PFKFB3: variants seen among roughly 807,000 people sequenced by gnomAD.
The protein encoded by PFKFB3 is 6-phosphofructo-2-kinase/fructose-2,6-bisphosphatase 3.
In PFKFB3, 33 loss-of-function variants were observed where a neutral mutation model predicts 68.0. The observed-to-expected ratio is 0.49, with a 90% CI of 0.37 to 0.65. PFKFB3 has a LOEUF of 0.65. PFKFB3 is among the 30% of genes least tolerant of loss of function. The pLI is 0.00. For missense variants in PFKFB3, 586 were observed against 712.2 expected (o/e 0.82, Z 2.02); for synonymous variants, 315 against 288.2 (o/e 1.09, Z -0.94).
At chr10:6,295,716 C>G in the PFKFB3 span, among the ~76,000 whole-genome samples, 1 of 152,184 alleles carries the variant, frequency 6.6e-6, no homozygotes, top group Non-Finnish European at 1.5e-5. Flanking sequence ...AGGTTAGACT[C>G]TGGCAAAGTA....
chr10:6,236,753 C>T (rs1846021570), downstream of PFKFB3, among the ~76,000 whole-genome samples: 1 of 152,202 alleles, frequency 6.6e-6, no homozygotes, highest in African/African-American at 2.4e-5. Context: ...AAAGACTGCT[C>T]CCAAAGAGGA....
the PFKFB3 span, among the ~76,000 whole-genome samples, chr10:6,291,270 G>A: frequency 6.6e-6 from 1 of 152,138 alleles, no homozygotes; most frequent in African/African-American, 2.4e-5. Context: ...GGAGTCAAAA[G>A]TTTATCTTGT....
At chr10:6,294,021 A>G in the PFKFB3 span, 1 of 526,412 alleles carries the variant, frequency 1.9e-6, no homozygotes. Context: ...ACAAATTCCA[A>G]CATCATTACC....
At chr10:6,259,352 A>T (rs1846519194), downstream of PFKFB3, among the ~76,000 whole-genome samples, 1 of 147,536 alleles carries the variant, frequency 6.8e-6, no homozygotes, top group East Asian at 2.1e-4. Context: ...CCATCTACCC[A>T]TCCACCCATC....
At chr10:6,316,396 A>G in the PFKFB3 span, among the ~76,000 whole-genome samples, 1 of 152,256 alleles carries the variant, frequency 6.6e-6, no homozygotes, top group African/African-American at 2.4e-5. Context: ...CAATGGCACA[A>G]GAGCCTTTCT....
chr10:6,254,035 C>A (rs1467216545), intron 14 of PFKFB3: 8 of 386,948 alleles, frequency 2.1e-5, no homozygotes, highest in Non-Finnish European at 3.6e-5. Context: ...CAGTGAGACT[C>A]CGTCTCAAAA....
At chr10:6,206,859 A>G (rs868768031) in intron 1 of PFKFB3, among the ~76,000 whole-genome samples, 18 of 17,000 alleles carry the variant, frequency 1.1e-3, no homozygotes, top group East Asian at 2.7e-3. Flanking sequence ...CCGGGCAGAG[A>G]CGCTCCTCAC....
Position 6,228,346 on chromosome 10 carries a change from G to A in PFKFB3, c.1515+1981G>A. ...GATGTGAGGTCTTCCGTGGGGGAAG[G>A]AGGAGATGGGCGTAGGAGTAGGGAG... On this transcript the variant is annotated intron_variant, in intron 14 of 14. Transcript: ENST00000379775. This position sits in a 1 kb window ranked among gnomAD's most constrained non-coding sequence, Gnocchi z 4.5. 1 of 997,692 alleles carries A rather than the reference G, an allele frequency of 1.0e-6. No homozygotes were observed. The highest frequency in any genetic ancestry group is 2.4e-5 in the East Asian group (1 of 41,648). The allele number at this position is 997,692 out of a possible 1,614,324, so 61.8% of individuals were successfully genotyped here.
In PFKFB3 at chr10:6,215,446, CG is replaced by C; in HGVS notation, c.299+133del. The C allele has an allele frequency of 1.4e-6, 1 of 702,944 alleles. No individual in the cohort carries two copies. Among genetic ancestry groups the C allele is most frequent in the African/African-American group, 1.8e-5 (1 of 54,460 alleles). 43.5% of individuals were successfully genotyped at this position (702,944 alleles called of 1,614,324 possible). ...GGGCTGTGGGAATAAGGCTGGGCTG[CG>C]GGGCTGCGGGTGTAAGGCTGGGCTG... On this transcript the variant is annotated intron_variant, in intron 3 of 14. Coordinates refer to ENST00000379775, the MANE Select transcript of PFKFB3 (RefSeq NM_004566.4). The surrounding 1 kb of genome is among the most constrained non-coding windows in gnomAD (Gnocchi z 4.3).
In PFKFB3 at chr10:6,233,488, T is replaced by TCAGC. The variant is rs1845867145; in HGVS notation, c.*546_*547insCAGC. 1 of 152,648 alleles carries TCAGC rather than the reference T, an allele frequency of 6.6e-6. No homozygotes were observed. The highest frequency in any genetic ancestry group is 1.9e-4 in the East Asian group (1 of 5,332). 9.5% of individuals were successfully genotyped at this position (152,648 alleles called of 1,614,324 possible). A position where few individuals can be genotyped will look rare whatever the true frequency, so the allele number is the denominator to read the frequency against. On this transcript the variant is annotated 3_prime_UTR_variant, in exon 15 of 15. Coordinates refer to ENST00000379775, the MANE Select transcript of PFKFB3 (RefSeq NM_004566.4). The stretch of plus-strand genomic sequence containing the variant: ...TGGACAGGTGTTGGGTTGAGGCCTC[T>TCAGC]TCTGCAGGAAGTCCCTGAGCTGAGA...
the PFKFB3 span, among the ~76,000 whole-genome samples, chr10:6,311,704 GCA>G: frequency 6.6e-6 from 1 of 152,000 alleles, no homozygotes; most frequent in Admixed American, 6.5e-5. Flanking sequence ...AGCCAAGATT[GCA>G]CCACTGCACG....
chr10:6,170,644 G>A (rs1842279087), intron 1 of PFKFB3, among the ~76,000 whole-genome samples: 1 of 152,160 alleles, frequency 6.6e-6, no homozygotes, highest in Non-Finnish European at 1.5e-5. Context: ...AAAAGTAGAG[G>A]GAGCAAAAGT....
rs1845617892 is a variant in PFKFB3 at position 6,229,862 on chromosome 10, G to C, written c.1516-3033G>C. On this transcript the variant is annotated intron_variant, in intron 14 of 14. Transcript: ENST00000379775. The surrounding 1 kb of genome is among the most constrained non-coding windows in gnomAD (Gnocchi z 4.3). The stretch of plus-strand genomic sequence containing the variant: ...TTCTGCCTCAGATCGTCTGGCATTA[G>C]ATTCTCTGAAGGGAACGCACAGCCT... 6.6e-6 allele frequency among the ~76,000 whole-genome samples: 1 copy of C among 152,190 alleles called. No homozygotes were observed. The highest frequency in any genetic ancestry group is 6.5e-5 in the Admixed American group (1 of 15,278).
At chr10:6,264,826 T>C in the PFKFB3 span, among the ~76,000 whole-genome samples, 6 of 152,174 alleles carry the variant, frequency 3.9e-5, no homozygotes, top group African/African-American at 1.4e-4. Context: ...TACTCCTTTA[T>C]ATTTCAGTGT....
chr10:6,286,815 C>CT, the PFKFB3 span, among the ~76,000 whole-genome samples: 1 of 151,970 alleles, frequency 6.6e-6, no homozygotes, highest in African/African-American at 2.4e-5. Context: ...TTTTTCCACT[C>CT]TTTTTTCTGC....
rs972870491 is a variant in PFKFB3 at position 6,215,074 on chromosome 10, TG to T, written c.203-144del. ...TCAGGAGTTGAGGGTAGCGTAGGAC[TG>T]GGCGCCGGCATTGCTTCCACACCAT... On this transcript the variant is annotated intron_variant, in intron 2 of 14. Transcript: ENST00000379775. The surrounding 1 kb of genome is among the most constrained non-coding windows in gnomAD (Gnocchi z 4.3). The T allele has an allele frequency of 3.0e-6, 2 of 659,236 alleles. No individual in the cohort carries two copies. Among genetic ancestry groups the T allele is most frequent in the African/African-American group, 3.6e-5 (2 of 55,706 alleles). 40.8% of individuals were successfully genotyped at this position (659,236 alleles called of 1,614,324 possible). A position where few individuals can be genotyped will look rare whatever the true frequency, so the allele number is the denominator to read the frequency against.
intron 1 of PFKFB3, among the ~76,000 whole-genome samples, chr10:6,161,227 C>T (rs181699651): frequency 6.6e-6 from 1 of 152,168 alleles, no homozygotes; most frequent in Non-Finnish European, 1.5e-5. Flanking sequence ...TGAGCCACGG[C>T]GCCTGACCTC....
intron 11 of PFKFB3, among the ~76,000 whole-genome samples, chr10:6,223,278 G>T (rs1845091571): frequency 6.6e-6 from 1 of 152,172 alleles, no homozygotes; most frequent in Admixed American, 6.5e-5. Flanking sequence ...CTTGGCTTGG[G>T]GTGGGGGCTG....
chr10:6,299,968 CTTTTTTT>C, the PFKFB3 span, among the ~76,000 whole-genome samples: 2 of 48,584 alleles, frequency 4.1e-5, no homozygotes, highest in African/African-American at 8.9e-5. Context: ...GTTCAGAAGA[CTTTTTTT>C]TTTTTTTTTT....
Sources: gnomAD v4.1 joint callset for allele counts (sites outside exome capture counted in the v4.1 genomes callset) on GRCh38, gnomAD v4.1.1 for gene constraint, Gnocchi (gnomAD v3.1) non-coding constraint, MANE v1.5 for transcripts, NCBI Gene and HGNC (gene_info 2026-07-23, HGNC 2026-07-21) for gene names.